GSE1: variants seen among roughly 807,000 people sequenced by gnomAD.
GSE1 encodes the protein Gse1 coiled-coil protein.
A neutral mutation model predicts 112.6 loss-of-function variants in GSE1; 32 were observed. That is an observed-to-expected ratio of 0.28 (90% CI 0.21 to 0.38). The LOEUF (loss-of-function observed/expected upper bound fraction) is 0.38. GSE1 is among the 10% of genes least tolerant of loss of function. The probability of loss-of-function intolerance (pLI) is 1.00; values close to 1 mark genes in which losing one functional copy is unlikely to be tolerated. For synonymous variants in GSE1, 1,115 were observed against 735.6 expected, an observed-to-expected ratio of 1.52 and a Z score of -8.35; for missense variants, 2,348 against 1,699.2, an observed-to-expected ratio of 1.38 and a Z score of -6.71.
chr16:85,556,751 C>T (rs1392900866), intron 1 of GSE1, among the ~76,000 whole-genome samples: 3 of 43,442 alleles, frequency 6.9e-5, no homozygotes, highest in African/African-American at 1.1e-4. Context: ...GGTAGCATGC[C>T]CCCCCCCCCC....
At position 85,600,935 on chromosome 16, in the gene GSE1, A is replaced by C. The variant is rs78032808; in HGVS notation, c.37+44572A>C. The stretch of plus-strand genomic sequence containing the variant: ...TCCTCTCCAACGGCTCAGCTCAGTG[A>C]GCGCCTGGAAGAAAGTGAGAATGCC... On this transcript the variant is annotated intron_variant, in intron 1 of 2. Coordinates refer to the GSE1 transcript ENST00000635906. 8.1e-3 allele frequency among the ~76,000 whole-genome samples: 1,234 copies of C among 152,152 alleles called. 12 individuals carry two copies. Among genetic ancestry groups the C allele is most frequent in the Admixed American group, 0.014 (215 of 15,284 alleles).
At chr16:85,426,075 G>GGAAGGA (rs55885676) in intron 2 of GSE1, among the ~76,000 whole-genome samples, 1 of 18,070 alleles carries the variant, frequency 5.5e-5, no homozygotes, top group African/African-American at 8.6e-5. Flanking sequence ...GGATGGATGG[G>GGAAGGA]TAGATGGATG....
At chr16:85,249,892 T>G (rs887582469) in intron 1 of GSE1, among the ~76,000 whole-genome samples, 6 of 152,236 alleles carry the variant, frequency 3.9e-5, no homozygotes, top group African/African-American at 1.4e-4. Flanking sequence ...ATGTCACAGC[T>G]GCAGAAGCTG....
chr16:85,570,226 C>G (rs1350068646), intron 1 of GSE1, among the ~76,000 whole-genome samples: 5 of 152,176 alleles, frequency 3.3e-5, no homozygotes, highest in African/African-American at 4.8e-5. Flanking sequence ...TGGTCAGTGT[C>G]CATCTTCAAG....
chr16:85,614,423 C>A (rs912181813), intron 1 of GSE1, among the ~76,000 whole-genome samples: 4 of 152,242 alleles, frequency 2.6e-5, no homozygotes, highest in African/African-American at 4.8e-5. Context: ...CAGCTTTCCG[C>A]CTCCCCTCCC....
chr16:85,262,723 A>T (rs1395563737), intron 1 of GSE1, among the ~76,000 whole-genome samples: 2 of 152,154 alleles, frequency 1.3e-5, no homozygotes, highest in Admixed American at 6.5e-5. Context: ...ACAAGTTCTG[A>T]TCCTCCCCAC....
Position 85,478,923 on chromosome 16 carries a change from CTTTCTCTTTCTTTCTTTCTTTCTTTT to C in GSE1, c.2464+121284_2464+121309del, listed in dbSNP as rs1567520896. On this transcript the variant is annotated intron_variant, in intron 2 of 2. Transcript: ENST00000637419. ...TCTTTCTTTCTTTCTTTCTTTCTTT[CTTTCTCTTTCTTTCTTTCTTTCTTTT>C]TTTTTCTTTCTTTCTTTCCTTCCTT... Among the ~76,000 whole-genome samples the C allele has an allele frequency of 7.4e-3, 277 of 37,606 alleles. 5 individuals are homozygous for C. Among genetic ancestry groups the C allele is most frequent in the Middle Eastern group, 8.8e-3 (1 of 114 alleles). 24.7% of individuals were successfully genotyped at this position (37,606 alleles called of 152,430 possible).
chr16:85,512,686 C>T (rs1344854816), intron 2 of GSE1, among the ~76,000 whole-genome samples: 1 of 152,148 alleles, frequency 6.6e-6, no homozygotes, highest in Non-Finnish European at 1.5e-5. Flanking sequence ...GGGTCCCTCA[C>T]ACCACACGCA....
At chr16:85,305,207 A>G (rs745999621) in intron 1 of GSE1, among the ~76,000 whole-genome samples, 2 of 152,210 alleles carry the variant, frequency 1.3e-5, no homozygotes, top group Non-Finnish European at 2.9e-5. Context: ...AGAGCTCTCC[A>G]CAAAATACTG....
At chr16:85,384,991 G>A (rs1018139996) in intron 2 of GSE1, among the ~76,000 whole-genome samples, 1 of 152,224 alleles carries the variant, frequency 6.6e-6, no homozygotes, top group South Asian at 2.1e-4. Flanking sequence ...CGCCCGCCCT[G>A]GCCTCGGATT....
intron 1 of GSE1, among the ~76,000 whole-genome samples, chr16:85,605,858 C>T (rs1005677431): frequency 6.6e-6 from 1 of 151,812 alleles, no homozygotes; most frequent in African/African-American, 2.4e-5. Context: ...AGGCTGGGCT[C>T]ATGGGCGGCC....
chr16:85,292,783 C>G (rs1433590270), intron 1 of GSE1, among the ~76,000 whole-genome samples: 1 of 152,182 alleles, frequency 6.6e-6, no homozygotes, highest in Non-Finnish European at 1.5e-5. Context: ...GGTAAGTGTA[C>G]AGTTCGGGGG....
At chr16:85,477,787 C>T (rs1488719095) in intron 2 of GSE1, among the ~76,000 whole-genome samples, 4 of 151,812 alleles carry the variant, frequency 2.6e-5, no homozygotes, top group African/African-American at 9.7e-5. Flanking sequence ...GTCTCGAACT[C>T]CTGACCTTGT....
intron 2 of GSE1, among the ~76,000 whole-genome samples, chr16:85,423,874 C>T (rs1260527583): frequency 5.9e-5 from 9 of 152,244 alleles, no homozygotes; most frequent in Admixed American, 5.9e-4. Context: ...CCTCGTGGGA[C>T]ATCTTCGGGG....
At chr16:85,420,540 T>C (rs1426446165) in intron 2 of GSE1, among the ~76,000 whole-genome samples, 2 of 152,108 alleles carry the variant, frequency 1.3e-5, no homozygotes, top group Non-Finnish European at 2.9e-5. Flanking sequence ...CATTGCTCTC[T>C]GGTCACTCAG....
chr16:85,643,526 T>G (rs2050615522), intron 2 of GSE1, among the ~76,000 whole-genome samples: 3 of 152,004 alleles, frequency 2.0e-5, no homozygotes, highest in African/African-American at 7.2e-5. Flanking sequence ...CACTGGTGCT[T>G]AGAAACGAGG....
At chr16:85,366,930 G>A (rs1374212274) in intron 2 of GSE1, among the ~76,000 whole-genome samples, 2 of 152,222 alleles carry the variant, frequency 1.3e-5, no homozygotes, top group Non-Finnish European at 2.9e-5. Context: ...TAGCAGGAGT[G>A]GCTGTTCTGG....
intron 1 of GSE1, chr16:85,185,389 T>G (rs73260327): frequency 0.016 from 2,407 of 152,442 alleles, 66 homozygotes; most frequent in African/African-American, 0.056. Flanking sequence ...ACTTTCTGGT[T>G]TCATGATTGC....
chr16:85,217,110 C>T (rs984444800), intron 1 of GSE1, among the ~76,000 whole-genome samples: 5 of 152,254 alleles, frequency 3.3e-5, no homozygotes. Flanking sequence ...CCCCTTTCTG[C>T]TTCCGTTTCC....
Sources: gnomAD v4.1 joint callset for allele counts (sites outside exome capture counted in the v4.1 genomes callset) on GRCh38, gnomAD v4.1.1 for gene constraint, MANE v1.5 for transcripts, NCBI Gene and HGNC (gene_info 2026-07-23, HGNC 2026-07-21) for gene names.